GRM7: variants seen among roughly 807,000 people sequenced by gnomAD.
The protein encoded by GRM7 is metabotropic glutamate receptor 7.
In GRM7, 35 loss-of-function variants were observed where a neutral mutation model predicts 84.5. The observed-to-expected ratio is 0.41, with a 90% CI of 0.32 to 0.55. The LOEUF is 0.55. GRM7 is among the 20% of genes least tolerant of loss of function. GRM7 has a pLI of 0.19. For synonymous variants in GRM7, 487 were observed against 455.1 expected, an observed-to-expected ratio of 1.07 and a Z score of -0.89; for missense variants, 1,003 against 1,194.6, an observed-to-expected ratio of 0.84 and a Z score of 2.36.
chr3:7,187,206 C>T (rs1222293135), intron 2 of GRM7, among the ~76,000 whole-genome samples: 1 of 148,502 alleles, frequency 6.7e-6, no homozygotes, highest in Non-Finnish European at 1.5e-5. Flanking sequence ...TGAGAACACA[C>T]ACACACACAC....
chr3:7,168,523 C>G (rs760821764), intron 2 of GRM7, among the ~76,000 whole-genome samples: 5 of 152,130 alleles, frequency 3.3e-5, no homozygotes, highest in Non-Finnish European at 5.9e-5. Flanking sequence ...GGGAAAAGAG[C>G]AGGACACTGA....
chr3:7,322,621 G>A (rs1333266116), intron 4 of GRM7, among the ~76,000 whole-genome samples: 1 of 148,218 alleles, frequency 6.7e-6, no homozygotes, highest in African/African-American at 2.5e-5. Flanking sequence ...TGTCCTCAAA[G>A]CTTAGCTCTC....
chr3:7,454,088 A>ACTCTCTCTCTCTCTCT (rs1284686500), intron 6 of GRM7, among the ~76,000 whole-genome samples: 9 of 111,680 alleles, frequency 8.1e-5, no homozygotes, highest in African/African-American at 1.5e-4. Flanking sequence ...AGCTACACAC[A>ACTCTCTCTCTCTCTCT]CACTCTCTCT....
intron 8 of GRM7, among the ~76,000 whole-genome samples, chr3:7,613,052 A>G (rs1402061306): frequency 1.3e-5 from 2 of 151,792 alleles, no homozygotes; most frequent in East Asian, 3.9e-4. Context: ...TTTTTAACAT[A>G]TTTATGTTAT....
intron 6 of GRM7, among the ~76,000 whole-genome samples, chr3:7,460,696 G>T (rs1307552125): frequency 1.3e-5 from 2 of 152,096 alleles, no homozygotes; most frequent in Non-Finnish European, 2.9e-5. Context: ...AATGTTTTGT[G>T]ATTCGTTTGT....
At chr3:7,167,138 C>G (rs1694825006) in intron 2 of GRM7, among the ~76,000 whole-genome samples, 1 of 152,164 alleles carries the variant, frequency 6.6e-6, no homozygotes, top group South Asian at 2.1e-4. Flanking sequence ...TCCAATCAAT[C>G]AAATATTTCC....
At chr3:7,086,044 A>G (rs1034506238) in intron 1 of GRM7, among the ~76,000 whole-genome samples, 4 of 111,802 alleles carry the variant, frequency 3.6e-5, no homozygotes, top group African/African-American at 1.4e-4. Context: ...AAAATTTGCA[A>G]AAATTATTTT....
chr3:7,501,946 G>T (rs534347043), intron 7 of GRM7, among the ~76,000 whole-genome samples: 5 of 152,184 alleles, frequency 3.3e-5, no homozygotes, highest in East Asian at 3.8e-4. Flanking sequence ...TCCTACGCAA[G>T]AATTTATTGC....
chr3:7,503,635 T>C (rs1699951237), intron 7 of GRM7, among the ~76,000 whole-genome samples: 1 of 152,160 alleles, frequency 6.6e-6, no homozygotes, highest in South Asian at 2.1e-4. Flanking sequence ...ATGGTGCTAA[T>C]GTGGTGTATG....
intron 2 of GRM7, among the ~76,000 whole-genome samples, chr3:7,179,007 G>A (rs1002725467): frequency 2.6e-5 from 4 of 152,186 alleles, no homozygotes; most frequent in African/African-American, 4.8e-5. Context: ...TCGGGAGGCT[G>A]AGGCAGAAGA....
At chr3:7,000,925 G>A (rs1489203404) in intron 1 of GRM7, among the ~76,000 whole-genome samples, 3 of 152,094 alleles carry the variant, frequency 2.0e-5, no homozygotes, top group African/African-American at 7.2e-5. Context: ...ATCCTTCAAG[G>A]CATACATCAA....
At chr3:7,336,266 C>T (rs899912173) in intron 4 of GRM7, among the ~76,000 whole-genome samples, 1 of 151,870 alleles carries the variant, frequency 6.6e-6, no homozygotes, top group Non-Finnish European at 1.5e-5. Context: ...CTTGATATAG[C>T]ACATAAACAG....
intron 6 of GRM7, among the ~76,000 whole-genome samples, chr3:7,457,240 G>C (rs1025586801): frequency 2.0e-5 from 3 of 152,132 alleles, no homozygotes; most frequent in Non-Finnish European, 4.4e-5. Context: ...ATTTGCCAAA[G>C]TAGCAATTTA....
intron 1 of GRM7, among the ~76,000 whole-genome samples, chr3:7,013,487 A>G (rs1695455840): frequency 6.6e-6 from 1 of 151,528 alleles, no homozygotes. Context: ...ATGAAAAAAC[A>G]ACAAGCAAAA....
At chr3:7,407,806 C>T (rs1695746815) in intron 4 of GRM7, among the ~76,000 whole-genome samples, 1 of 152,174 alleles carries the variant, frequency 6.6e-6, no homozygotes, top group Non-Finnish European at 1.5e-5. Flanking sequence ...AAATTCAGGT[C>T]TATCTGACTG....
intron 8 of GRM7, among the ~76,000 whole-genome samples, chr3:7,619,335 A>T (rs577292088): frequency 6.6e-6 from 1 of 152,108 alleles, no homozygotes; most frequent in East Asian, 1.9e-4. Flanking sequence ...GTGTCAATAA[A>T]TGTTTAAATT....
chr3:6,996,348 T>C (rs1694830481), intron 1 of GRM7, among the ~76,000 whole-genome samples: 1 of 152,196 alleles, frequency 6.6e-6, no homozygotes, highest in Admixed American at 6.5e-5. Flanking sequence ...ATGCCTGGCC[T>C]AATTCTACAA....
At chr3:7,459,114 A>T (rs547010274) in intron 6 of GRM7, among the ~76,000 whole-genome samples, 3 of 152,132 alleles carry the variant, frequency 2.0e-5, no homozygotes, top group South Asian at 2.1e-4. Context: ...TTTGTGGTCT[A>T]TGGGGGTAGT....
chr3:6,887,162 A>G (rs891921038), intron 1 of GRM7, among the ~76,000 whole-genome samples: 1 of 152,042 alleles, frequency 6.6e-6, no homozygotes, highest in Non-Finnish European at 1.5e-5. Flanking sequence ...TTTACATGTA[A>G]ACAATGTGAA....
Sources: gnomAD v4.1 joint callset for allele counts (sites outside exome capture counted in the v4.1 genomes callset) on GRCh38, gnomAD v4.1.1 for gene constraint, MANE v1.5 for transcripts, NCBI Gene and HGNC (gene_info 2026-07-23, HGNC 2026-07-21) for gene names.